Variants in NRF1 observed in about 807,000 individuals in gnomAD.
The protein encoded by NRF1 is nuclear respiratory factor 1.
Under a neutral mutation model 58.5 loss-of-function variants are expected in NRF1, and 5 were observed. The observed-to-expected ratio is 0.09, with a 90% CI of 0.04 to 0.18. The LOEUF is 0.18. Ranked by LOEUF, NRF1 falls within the 10% of genes least tolerant of loss-of-function variation. The pLI is 1.00. For synonymous variants in NRF1, 224 were observed against 246.7 expected, an observed-to-expected ratio of 0.91 and a Z score of 0.86; for missense variants, 288 against 657.7, an observed-to-expected ratio of 0.44 and a Z score of 6.15.
intron 5 of NRF1, among the ~76,000 whole-genome samples, chr7:129,698,681 C>G (rs565813345): frequency 6.6e-6 from 1 of 152,242 alleles, no homozygotes; most frequent in South Asian, 2.1e-4. Context: ...GCAGCAGTCA[C>G]CTGAGAAGTG....
chr7:129,650,606 A>G (rs542653200), intron 1 of NRF1, among the ~76,000 whole-genome samples: 1 of 152,296 alleles, frequency 6.6e-6, no homozygotes, highest in South Asian at 2.1e-4. Context: ...TCGGGAAGAC[A>G]TAGAGATTCT....
intron 10 of NRF1, among the ~76,000 whole-genome samples, chr7:129,734,284 A>G (rs1357095473): frequency 1.3e-5 from 2 of 152,232 alleles, no homozygotes; most frequent in Non-Finnish European, 2.9e-5. Context: ...GGAAGCTGAG[A>G]CACAGAAAGT....
chr7:129,754,350 C>G (rs1321649496), intron 10 of NRF1, among the ~76,000 whole-genome samples: 4 of 151,040 alleles, frequency 2.6e-5, no homozygotes, highest in Non-Finnish European at 5.9e-5. Context: ...GTGGTTCCAG[C>G]TACTCAGGAG....
At chr7:129,737,602 C>T (rs1359655742) in intron 10 of NRF1, among the ~76,000 whole-genome samples, 2 of 152,016 alleles carry the variant, frequency 1.3e-5, no homozygotes, top group African/African-American at 4.8e-5. Context: ...GTTCCCTGGA[C>T]ACATCAGTAT....
intron 1 of NRF1, among the ~76,000 whole-genome samples, chr7:129,627,347 G>C (rs1800941374): frequency 6.6e-6 from 1 of 151,940 alleles, no homozygotes; most frequent in Admixed American, 6.6e-5. Context: ...CAGTAGCTGG[G>C]ACTACAGGTG....
intron 1 of NRF1, among the ~76,000 whole-genome samples, chr7:129,638,442 G>A (rs1801217776): frequency 6.6e-6 from 1 of 152,140 alleles, no homozygotes; most frequent in Non-Finnish European, 1.5e-5. Context: ...AGCTTTTGGT[G>A]GTTTGACAGC....
At chr7:129,625,807 G>A (rs1472344312) in intron 1 of NRF1, among the ~76,000 whole-genome samples, 4 of 144,194 alleles carry the variant, frequency 2.8e-5, no homozygotes, top group African/African-American at 7.7e-5. Flanking sequence ...TCAGCCTCCC[G>A]AGTAGCTGGG....
intron 1 of NRF1, among the ~76,000 whole-genome samples, chr7:129,628,371 T>C (rs893557202): frequency 6.6e-6 from 1 of 152,014 alleles, no homozygotes; most frequent in Non-Finnish European, 1.5e-5. Flanking sequence ...ATAATAGCTT[T>C]TATTTATGTA....
intron 1 of NRF1, among the ~76,000 whole-genome samples, chr7:129,637,021 A>G (rs1230931071): frequency 6.6e-6 from 1 of 152,206 alleles, no homozygotes; most frequent in African/African-American, 2.4e-5. Flanking sequence ...AGACCAGTCA[A>G]TAAGACAGGG....
At chr7:129,710,019 C>A (rs1311205630) in intron 6 of NRF1, among the ~76,000 whole-genome samples, 1 of 152,124 alleles carries the variant, frequency 6.6e-6, no homozygotes, top group Non-Finnish European at 1.5e-5. Flanking sequence ...CGTGAGCCAC[C>A]ATGCCTGGCC....
chr7:129,661,653 G>T (rs924388751), intron 2 of NRF1, among the ~76,000 whole-genome samples: 6 of 150,730 alleles, frequency 4.0e-5, no homozygotes, highest in African/African-American at 1.5e-4. Flanking sequence ...CATCAACCTG[G>T]ACTTTATTGT....
chr7:129,617,987 C>CT (rs1800691162), intron 1 of NRF1, among the ~76,000 whole-genome samples: 1 of 152,122 alleles, frequency 6.6e-6, no homozygotes, highest in African/African-American at 2.4e-5. Context: ...TGAGTGTGAA[C>CT]TTTATTCTAT....
At position 129,750,766 on chromosome 7, in the gene NRF1, G is replaced by T. The variant is rs146168539; in HGVS notation, c.1349-4252G>T. On this transcript the variant is annotated intron_variant, in intron 10 of 10. Transcript: ENST00000393232. ...CAGAAGATGGAATCTTTCAAAAACA[G>T]CTTTATTTGGGTGAGTCTTGAATAT... Among the ~76,000 whole-genome samples, 102 of 152,292 alleles carry T rather than the reference G, an allele frequency of 6.7e-4. 1 individual carries two copies. The East Asian group carries it at 0.018, about 27-fold the overall frequency.
At chr7:129,735,037 C>T in intron 10 of NRF1, 2 of 985,154 alleles carry the variant, frequency 2.0e-6, no homozygotes, top group Non-Finnish European at 2.4e-6. Flanking sequence ...TTATTTGTTT[C>T]CCCAGCTCCT....
intron 2 of NRF1, among the ~76,000 whole-genome samples, chr7:129,669,888 A>G (rs1474317332): frequency 6.6e-6 from 1 of 151,960 alleles, no homozygotes; most frequent in Admixed American, 6.6e-5. Flanking sequence ...AGATATCCAC[A>G]CTCCCTTGTT....
intron 1 of NRF1, among the ~76,000 whole-genome samples, chr7:129,630,913 A>T (rs756613840): frequency 6.6e-6 from 1 of 152,198 alleles, no homozygotes; most frequent in Non-Finnish European, 1.5e-5. Flanking sequence ...TAAAAAAATT[A>T]TTTTGTAGGC....
At chr7:129,731,896 A>T (rs1803588038) in intron 10 of NRF1, among the ~76,000 whole-genome samples, 1 of 152,172 alleles carries the variant, frequency 6.6e-6, no homozygotes, top group Non-Finnish European at 1.5e-5. Context: ...TATAGGCATG[A>T]GCCACTACAC....
At chr7:129,651,047 A>G (rs1801522690) in intron 1 of NRF1, among the ~76,000 whole-genome samples, 2 of 152,224 alleles carry the variant, frequency 1.3e-5, no homozygotes, top group Admixed American at 1.3e-4. Flanking sequence ...CATTGTAAGT[A>G]TCATTCATAA....
chr7:129,630,672 T>C (rs1288063800), intron 1 of NRF1, among the ~76,000 whole-genome samples: 3 of 152,238 alleles, frequency 2.0e-5, no homozygotes, highest in Non-Finnish European at 4.4e-5. Flanking sequence ...TTGTTTTCTA[T>C]AAATCCTGAT....
Sources: gnomAD v4.1 joint callset for allele counts (sites outside exome capture counted in the v4.1 genomes callset) on GRCh38, gnomAD v4.1.1 for gene constraint, MANE v1.5 for transcripts, NCBI Gene and HGNC (gene_info 2026-07-23, HGNC 2026-07-21) for gene names.